Variants in KIF26B observed in about 807,000 individuals in gnomAD.
KIF26B encodes kinesin family member 26B.
KIF26B carries 63 observed loss-of-function variants against 151.2 expected under a neutral mutation model. The ratio of observed to expected loss-of-function variants is 0.42; its 90% CI spans 0.34 to 0.51. The LOEUF (loss-of-function observed/expected upper bound fraction) is 0.51. KIF26B is among the 20% of genes least tolerant of loss of function. KIF26B has a pLI of 0.07. For missense variants in KIF26B, 2,813 were observed against 2,913.6 expected (o/e 0.97, Z 0.79); for synonymous variants, 1,357 against 1,262.1 (o/e 1.08, Z -1.59).
At chr1:245,189,005 G>A (rs4658446) in intron 2 of KIF26B, among the ~76,000 whole-genome samples, 131,586 of 152,234 alleles carry the variant, frequency 0.86, 57,393 homozygotes, top group Non-Finnish European at 0.93. Flanking sequence ...AAAGTAATCA[G>A]ACTCAGACAG....
chr1:245,345,044 T>G (rs1316856456), intron 2 of KIF26B, among the ~76,000 whole-genome samples: 1 of 152,148 alleles, frequency 6.6e-6, no homozygotes, highest in African/African-American at 2.4e-5. Flanking sequence ...ACATTCGTAT[T>G]CTGAGCTATT....
intron 2 of KIF26B, among the ~76,000 whole-genome samples, chr1:245,173,141 C>G (rs1285057769): frequency 6.6e-6 from 1 of 152,108 alleles, no homozygotes; most frequent in Middle Eastern, 3.2e-3. Flanking sequence ...GTGAAATAAG[C>G]CAGTCACAAA....
chr1:245,378,371 C>T (rs1026892410), intron 3 of KIF26B, among the ~76,000 whole-genome samples: 3 of 152,096 alleles, frequency 2.0e-5, no homozygotes, highest in African/African-American at 7.2e-5. Context: ...TGGCTATTAT[C>T]ACCCAAGCAA....
chr1:245,219,926 G>A (rs1385216822), intron 2 of KIF26B, among the ~76,000 whole-genome samples: 4 of 152,086 alleles, frequency 2.6e-5, no homozygotes, highest in Non-Finnish European at 2.9e-5. Context: ...AAAGACTATG[G>A]GGGTTCCTAG....
intron 4 of KIF26B, among the ~76,000 whole-genome samples, chr1:245,442,732 C>T (rs1212573834): frequency 2.0e-5 from 3 of 149,484 alleles, no homozygotes; most frequent in Admixed American, 1.3e-4. Context: ...TCACCTAGAG[C>T]TGTCATCTCC....
intron 2 of KIF26B, among the ~76,000 whole-genome samples, chr1:245,303,339 C>G (rs1201735305): frequency 2.0e-5 from 3 of 151,046 alleles, no homozygotes; most frequent in Non-Finnish European, 4.4e-5. Flanking sequence ...GCTGGGACTA[C>G]AGGTGCCCGC....
intron 4 of KIF26B, among the ~76,000 whole-genome samples, chr1:245,431,535 A>G (rs543444694): frequency 6.6e-6 from 1 of 152,196 alleles, no homozygotes; most frequent in South Asian, 2.1e-4. Flanking sequence ...TAGTAGAGAC[A>G]GGGTTTCACT....
chr1:245,328,925 C>G lies in KIF26B; in HGVS notation c.466-37909C>G, dbSNP rs185066889. On this transcript the variant is annotated intron_variant, in intron 2 of 14. Transcript: ENST00000407071. ...TGCGGTTCTTATGTCCACCCACATT[C>G]TGTGATTCATTGTGTGTTCTTATTA... Among the ~76,000 whole-genome samples the G allele has an allele frequency of 2.6e-3, 398 of 152,296 alleles. 1 individual carries two copies. Among genetic ancestry groups the G allele is most frequent in the African/African-American group, 9.4e-3 (389 of 41,548 alleles).
chr1:245,433,619 A>G (rs1658834010), intron 4 of KIF26B, among the ~76,000 whole-genome samples: 1 of 152,224 alleles, frequency 6.6e-6, no homozygotes. Flanking sequence ...CATATTTTCC[A>G]TTGTTGATTT....
intron 4 of KIF26B, among the ~76,000 whole-genome samples, chr1:245,438,560 C>T (rs867242943): frequency 2.8e-4 from 42 of 152,018 alleles, no homozygotes; most frequent in African/African-American, 9.7e-4. Context: ...AAAAATGAAA[C>T]GAAGGCGTTT....
At chr1:245,583,198 T>C (rs560587715) in intron 5 of KIF26B, among the ~76,000 whole-genome samples, 8 of 152,330 alleles carry the variant, frequency 5.3e-5, no homozygotes, top group African/African-American at 1.4e-4. Flanking sequence ...ATCCCGTTGC[T>C]GAATACTCGT....
At chr1:245,190,647 T>C (rs1401018885) in intron 2 of KIF26B, among the ~76,000 whole-genome samples, 2 of 151,156 alleles carry the variant, frequency 1.3e-5, no homozygotes, top group Admixed American at 6.6e-5. Context: ...TTGTTTTTTT[T>C]TTTTTTTACA....
In KIF26B at chr1:245,552,163, GTGTGT is replaced by G. The variant is rs1199973206; in HGVS notation, c.1350+11214_1350+11218del. 4.0e-5 allele frequency among the ~76,000 whole-genome samples: 6 copies of G among 149,872 alleles called. No individual in the cohort carries two copies. The East Asian group carries it at 1.2e-3, about 29-fold the overall frequency. On this transcript the variant is annotated intron_variant, in intron 5 of 14. Coordinates refer to ENST00000407071, the MANE Select transcript of KIF26B (RefSeq NM_018012.4). ...TGTGTGTGTGTGTGTGTGTGTGTGT[GTGTGT>G]GTGGAGTGGGGGTGGGGGATTGACT...
intron 4 of KIF26B, among the ~76,000 whole-genome samples, chr1:245,501,089 T>C (rs1268647565): frequency 6.6e-6 from 1 of 152,188 alleles, no homozygotes; most frequent in Non-Finnish European, 1.5e-5. Context: ...GTGAGGTCAG[T>C]ACCATATTAT....
At chr1:245,690,864 G>A (rs1007765525) in intron 12 of KIF26B, among the ~76,000 whole-genome samples, 25 of 152,198 alleles carry the variant, frequency 1.6e-4, no homozygotes, top group Admixed American at 3.9e-4. Flanking sequence ...GAGCCATTCC[G>A]TGTAACGTAG....
Position 245,227,011 on chromosome 1 carries a change from C to T in KIF26B, c.465+70328C>T, listed in dbSNP as rs942716450. Among the ~76,000 whole-genome samples the T allele has an allele frequency of 6.6e-6, 1 of 152,204 alleles. No homozygotes were observed. The highest frequency in any genetic ancestry group is 2.4e-5 in the African/African-American group (1 of 41,444). On this transcript the variant is annotated intron_variant, in intron 2 of 14. Coordinates refer to ENST00000407071, the MANE Select transcript of KIF26B (RefSeq NM_018012.4). This position sits in a 1 kb window ranked among gnomAD's most constrained non-coding sequence, Gnocchi z 4.1. Reference sequence around the variant, plus strand: ...CAGCATCTTTCAGATTCTTGAAAGACAGGCAGCTTGTTTCGAATGACCCAC... The same window carrying T: ...CAGCATCTTTCAGATTCTTGAAAGATAGGCAGCTTGTTTCGAATGACCCAC...
intron 2 of KIF26B, among the ~76,000 whole-genome samples, chr1:245,313,390 G>A (rs924440339): frequency 6.6e-6 from 1 of 152,182 alleles, no homozygotes. Flanking sequence ...GAGCTTTGTC[G>A]AAAGGGTGTT....
At chr1:245,509,904 C>T (rs1660795748) in intron 4 of KIF26B, among the ~76,000 whole-genome samples, 1 of 152,208 alleles carries the variant, frequency 6.6e-6, no homozygotes, top group Non-Finnish European at 1.5e-5. Context: ...TAAACATCTT[C>T]ACCGGTTCCT....
At chr1:245,486,296 G>A (rs1389983821) in intron 4 of KIF26B, among the ~76,000 whole-genome samples, 2 of 152,142 alleles carry the variant, frequency 1.3e-5, no homozygotes, top group African/African-American at 4.8e-5. Flanking sequence ...CGTATTTGGA[G>A]CAAAGGAGGG....
Sources: allele counts gnomAD v4.1 joint callset (sites outside exome capture counted in the v4.1 genomes callset), GRCh38; gene constraint gnomAD v4.1.1; non-coding constraint Gnocchi (gnomAD v3.1); transcripts MANE v1.5; gene names NCBI Gene and HGNC (gene_info 2026-07-23, HGNC 2026-07-21).